The following NTM variants were observed in gnomAD, a reference collection of about 807,000 sequenced individuals.
The protein encoded by NTM is neurotrimin.
A neutral mutation model predicts 42.1 loss-of-function variants in NTM; 13 were observed. The observed-to-expected ratio is 0.31, with a 90% CI of 0.20 to 0.49. The LOEUF is 0.49. Ranked by LOEUF, NTM falls within the 20% of genes least tolerant of loss-of-function variation. The pLI, the probability that NTM is intolerant of heterozygous loss-of-function variation, is 0.99. For synonymous variants in NTM, 187 were observed against 179.2 expected (o/e 1.04, Z -0.35); for missense variants, 373 against 452.8 (o/e 0.82, Z 1.60).
intron 7 of NTM, among the ~76,000 whole-genome samples, chr11:132,317,455 G>A (rs1162870113): frequency 6.6e-6 from 1 of 152,084 alleles, no homozygotes; most frequent in Non-Finnish European, 1.5e-5. Flanking sequence ...ATTCAATATG[G>A]AAACATAAAG....
chr11:131,771,346 T>G (rs182852657), intron 1 of NTM: 1 of 152,288 alleles, frequency 6.6e-6, no homozygotes, highest in East Asian at 1.9e-4. Flanking sequence ...GATGATAGGT[T>G]TGGAAATGAA....
intron 3 of NTM, among the ~76,000 whole-genome samples, chr11:132,191,882 G>A (rs541226876): frequency 1.4e-4 from 21 of 152,278 alleles, no homozygotes; most frequent in African/African-American, 4.8e-4. Flanking sequence ...ACAATTGGAA[G>A]CATTAACAAC....
chr11:132,142,330 A>G (rs2069354788), intron 2 of NTM, among the ~76,000 whole-genome samples: 1 of 152,050 alleles, frequency 6.6e-6, no homozygotes. Flanking sequence ...TCACCAGTTA[A>G]CCACCATCCT....
intron 8 of NTM, among the ~76,000 whole-genome samples, chr11:132,334,628 G>A (rs2095854668): frequency 6.6e-6 from 1 of 152,068 alleles, no homozygotes; most frequent in Non-Finnish European, 1.5e-5. Context: ...GAGGGTGGGT[G>A]AGTATTTCAG....
chr11:131,622,995 G>C (rs1592262055), intron 1 of NTM, among the ~76,000 whole-genome samples: 1 of 152,284 alleles, frequency 6.6e-6, no homozygotes, highest in East Asian at 1.9e-4. Flanking sequence ...GAAGAGGAAG[G>C]GAAATAGCTC....
At chr11:132,020,055 T>C (rs1189624927) in intron 2 of NTM, among the ~76,000 whole-genome samples, 1 of 152,088 alleles carries the variant, frequency 6.6e-6, no homozygotes, top group Non-Finnish European at 1.5e-5. Flanking sequence ...ACCCAGTGTT[T>C]AACTCCTGAT....
chr11:131,906,215 G>T (rs1280950439), intron 1 of NTM, among the ~76,000 whole-genome samples: 3 of 152,054 alleles, frequency 2.0e-5, no homozygotes, highest in Non-Finnish European at 4.4e-5. Context: ...GTGATTCTGG[G>T]CAATCATGGT....
chr11:132,185,230 T>G (rs552423091), intron 3 of NTM, among the ~76,000 whole-genome samples: 2 of 152,334 alleles, frequency 1.3e-5, no homozygotes, highest in South Asian at 4.1e-4. Context: ...TGTGTGCACA[T>G]GTACATACAT....
rs74916746 is a variant in NTM at position 131,425,318 on chromosome 11, G to A, written c.82+54430G>A. Among the ~76,000 whole-genome samples the A allele has an allele frequency of 9.4e-3, 1,429 of 152,154 alleles. 14 individuals are homozygous for A. Among genetic ancestry groups the A allele is most frequent in the African/African-American group, 0.033 (1,351 of 41,468 alleles). ...TCTCTGGCCATAGTTTCCCAAAAAC[G>A]CCCTATAGTTCCTGCCGCGAGTTAC... On this transcript the variant is annotated intron_variant, in intron 1 of 8. Coordinates refer to ENST00000683400, the MANE Select transcript of NTM (RefSeq NM_001352005.2).
At chr11:131,511,229 C>T (rs957910615) in intron 1 of NTM, among the ~76,000 whole-genome samples, 7 of 152,152 alleles carry the variant, frequency 4.6e-5, no homozygotes, top group African/African-American at 9.7e-5. Context: ...TTGGTACACA[C>T]GGGTTCCTTG....
chr11:131,725,233 C>T (rs1367575714), intron 1 of NTM, among the ~76,000 whole-genome samples: 1 of 152,158 alleles, frequency 6.6e-6, no homozygotes, highest in Non-Finnish European at 1.5e-5. Context: ...ATTGGATACT[C>T]ATCACGGCAT....
chr11:131,810,287 C>T (rs1004355325), intron 1 of NTM, among the ~76,000 whole-genome samples: 2 of 152,154 alleles, frequency 1.3e-5, no homozygotes, highest in Non-Finnish European at 2.9e-5. Context: ...GCTCAGATTC[C>T]CTCATATTTC....
At chr11:131,669,681 T>C (rs1006957267) in intron 1 of NTM, among the ~76,000 whole-genome samples, 1 of 151,904 alleles carries the variant, frequency 6.6e-6, no homozygotes, top group Non-Finnish European at 1.5e-5. Flanking sequence ...ATAGCCTGGG[T>C]TTTTGGCCAC....
chr11:131,545,826 A>T (rs1426949477), intron 1 of NTM, among the ~76,000 whole-genome samples: 1 of 152,100 alleles, frequency 6.6e-6, no homozygotes, highest in African/African-American at 2.4e-5. Flanking sequence ...GAGAAGATAG[A>T]TTTTTCGGCA....
intron 1 of NTM, among the ~76,000 whole-genome samples, chr11:131,641,499 T>C (rs1304623025): frequency 6.6e-6 from 1 of 152,166 alleles, no homozygotes; most frequent in Non-Finnish European, 1.5e-5. Flanking sequence ...CATGGATCCC[T>C]GGTCTGGTGA....
At chr11:132,070,212 A>G (rs1370627221) in intron 2 of NTM, among the ~76,000 whole-genome samples, 3 of 145,480 alleles carry the variant, frequency 2.1e-5, no homozygotes, top group African/African-American at 7.8e-5. Flanking sequence ...CGTCAAACTG[A>G]CCATCACAGG....
intron 1 of NTM, among the ~76,000 whole-genome samples, chr11:131,640,498 A>AT (rs1269224751): frequency 6.6e-6 from 1 of 151,922 alleles, no homozygotes; most frequent in Non-Finnish European, 1.5e-5. Flanking sequence ...GATTGACCTA[A>AT]TTTGCCATCT....
chr11:131,780,659 G>A (rs76391558), intron 1 of NTM, among the ~76,000 whole-genome samples: 2,884 of 152,156 alleles, frequency 0.019, 42 homozygotes, highest in Non-Finnish European at 0.028. Flanking sequence ...GATTTCCATG[G>A]CACTTGATTT....
intron 1 of NTM, among the ~76,000 whole-genome samples, chr11:131,591,618 G>C (rs2059377869): frequency 6.6e-6 from 1 of 152,218 alleles, no homozygotes; most frequent in East Asian, 1.9e-4. Context: ...CCCCGAAAGG[G>C]TCACTGATAA....
Sources: gnomAD v4.1 joint callset for allele counts (sites outside exome capture counted in the v4.1 genomes callset) on GRCh38, gnomAD v4.1.1 for gene constraint, MANE v1.5 for transcripts, NCBI Gene and HGNC (gene_info 2026-07-23, HGNC 2026-07-21) for gene names.